The following MAF variants were observed in gnomAD, a reference collection of about 807,000 sequenced individuals.
MAF encodes MAF bZIP transcription factor.
MAF carries 10 observed loss-of-function variants against 22.0 expected under a neutral mutation model. That is an observed-to-expected ratio of 0.45 (90% CI 0.28 to 0.77). MAF has a LOEUF of 0.77. Ranked by LOEUF, MAF falls within the 30% of genes least tolerant of loss-of-function variation. MAF has a pLI of 0.12. For synonymous variants in MAF, 337 were observed against 255.8 expected (o/e 1.32, Z -3.03); for missense variants, 544 against 548.4 (o/e 0.99, Z 0.08).
the MAF span, among the ~76,000 whole-genome samples, chr16:79,247,661 A>G: frequency 3.2e-4 from 48 of 152,268 alleles, no homozygotes; most frequent in African/African-American, 1.1e-3. Context: ...ACCACTGTCA[A>G]CCCATCCTCA....
the MAF span, among the ~76,000 whole-genome samples, chr16:79,368,573 T>C: frequency 4.6e-5 from 7 of 152,096 alleles, no homozygotes; most frequent in Non-Finnish European, 8.8e-5. Context: ...CTTATGTCCT[T>C]TCTCAGAGTA....
chr16:79,271,987 T>G, the MAF span, among the ~76,000 whole-genome samples: 1 of 152,166 alleles, frequency 6.6e-6, no homozygotes, highest in Non-Finnish European at 1.5e-5. Context: ...CTGCCTGTTG[T>G]GGCCTCCAAA....
At chr16:79,228,581 C>T in the MAF span, among the ~76,000 whole-genome samples, 1 of 152,090 alleles carries the variant, frequency 6.6e-6, no homozygotes, top group Non-Finnish European at 1.5e-5. Context: ...GCCGGTGTTT[C>T]CTCACTGGCT....
chr16:79,518,135 A>G, the MAF span, among the ~76,000 whole-genome samples: 2 of 152,308 alleles, frequency 1.3e-5, no homozygotes, highest in Middle Eastern at 3.4e-3. Context: ...AGCCCACAGT[A>G]TCTCCCATTT....
At chr16:79,296,978 C>T in the MAF span, among the ~76,000 whole-genome samples, 1 of 152,196 alleles carries the variant, frequency 6.6e-6, no homozygotes. Flanking sequence ...AAATTTGTTC[C>T]TCAATGGCAG....
the MAF span, among the ~76,000 whole-genome samples, chr16:79,294,635 T>C: frequency 6.6e-6 from 1 of 152,228 alleles, no homozygotes; most frequent in Non-Finnish European, 1.5e-5. Flanking sequence ...TGCTTTTAGG[T>C]AAATATTCTT....
chr16:79,380,412 A>T, the MAF span, among the ~76,000 whole-genome samples: 1 of 152,230 alleles, frequency 6.6e-6, no homozygotes, highest in Non-Finnish European at 1.5e-5. Flanking sequence ...TCCACGAATC[A>T]TGCTAACCAT....
At chr16:79,413,177 C>G in the MAF span, among the ~76,000 whole-genome samples, 1 of 144,310 alleles carries the variant, frequency 6.9e-6, no homozygotes, top group East Asian at 2.0e-4. Flanking sequence ...GATTTGTGCT[C>G]CAATTCCAGC....
the MAF span, among the ~76,000 whole-genome samples, chr16:79,441,165 A>G: frequency 2.0e-5 from 3 of 152,246 alleles, no homozygotes; most frequent in Non-Finnish European, 4.4e-5. Context: ...AGAGTGAGCT[A>G]CTTACACCAT....
chr16:79,470,881 T>C, the MAF span, among the ~76,000 whole-genome samples: 2 of 152,238 alleles, frequency 1.3e-5, no homozygotes, highest in Non-Finnish European at 2.9e-5. Context: ...TCCATCTCTG[T>C]ATCCCAAGAA....
chr16:79,413,125 T>C, the MAF span, among the ~76,000 whole-genome samples: 1 of 151,532 alleles, frequency 6.6e-6, no homozygotes, highest in African/African-American at 2.4e-5. Context: ...CAGGACAAGT[T>C]GTGACATAAA....
At chr16:79,368,264 C>T in the MAF span, among the ~76,000 whole-genome samples, 4 of 152,120 alleles carry the variant, frequency 2.6e-5, no homozygotes, top group Non-Finnish European at 4.4e-5. Context: ...TGAGCCACAT[C>T]CCTGGCTCTT....
chr16:79,507,259 G>T, the MAF span, among the ~76,000 whole-genome samples: 1 of 150,402 alleles, frequency 6.6e-6, no homozygotes, highest in African/African-American at 2.5e-5. Context: ...GATTACAGGT[G>T]CCCACCACCA....
the MAF span, among the ~76,000 whole-genome samples, chr16:79,533,202 T>C: frequency 6.6e-6 from 1 of 152,220 alleles, no homozygotes; most frequent in African/African-American, 2.4e-5. Flanking sequence ...GGCTCTACTC[T>C]TCTTATCAAC....
chr16:79,459,259 A>AC, the MAF span, among the ~76,000 whole-genome samples: 5 of 152,190 alleles, frequency 3.3e-5, no homozygotes, highest in Non-Finnish European at 7.3e-5. Flanking sequence ...AACAAAAGAT[A>AC]CAAGAATCCT....
the MAF span, among the ~76,000 whole-genome samples, chr16:79,547,531 A>T: frequency 6.6e-6 from 1 of 152,000 alleles, no homozygotes; most frequent in African/African-American, 2.4e-5. Flanking sequence ...AAATATACTA[A>T]AAAAAAACCT....
chr16:79,445,056 C>T, the MAF span, among the ~76,000 whole-genome samples: 112 of 152,068 alleles, frequency 7.4e-4, no homozygotes, highest in African/African-American at 2.5e-3. Flanking sequence ...TTTTTTGAGA[C>T]GGAGTCTCAC....
the MAF span, among the ~76,000 whole-genome samples, chr16:79,514,400 C>T: frequency 2.0e-5 from 3 of 152,178 alleles, no homozygotes; most frequent in South Asian, 2.1e-4. Flanking sequence ...GATGAGCTTT[C>T]CTACAAATAA....
the MAF span, among the ~76,000 whole-genome samples, chr16:79,482,774 G>A: frequency 1.6e-4 from 25 of 152,034 alleles, no homozygotes; most frequent in Non-Finnish European, 2.9e-5. Context: ...GGTTCAAGGA[G>A]TGGGGAATCT....
Sources: gnomAD v4.1 joint callset for allele counts (sites outside exome capture counted in the v4.1 genomes callset) on GRCh38, gnomAD v4.1.1 for gene constraint, MANE v1.5 for transcripts, NCBI Gene and HGNC (gene_info 2026-07-23, HGNC 2026-07-21) for gene names.